The following CASQ1 variants were observed in gnomAD, a reference collection of about 807,000 sequenced individuals.
CASQ1 encodes the protein calsequestrin 1.
A neutral mutation model predicts 49.5 loss-of-function variants in CASQ1; 40 were observed. That is an observed-to-expected ratio of 0.81 (90% CI 0.63 to 1.05). The LOEUF is 1.05. CASQ1 is among the 50% of genes least tolerant of loss of function. The pLI, the probability that CASQ1 is intolerant of heterozygous loss-of-function variation, is 0.00. For synonymous variants in CASQ1, 174 were observed against 187.2 expected (o/e 0.93, Z 0.58); for missense variants, 469 against 486.9 (o/e 0.96, Z 0.35).
At position 160,191,018 on chromosome 1, in the gene CASQ1, G is replaced by C. The variant is rs1571046265; in HGVS notation, c.267G>C (p.Glu89Asp). 1 of 1,614,064 alleles carries C rather than the reference G, an allele frequency of 6.2e-7. No individual in the cohort carries two copies. Among genetic ancestry groups the C allele is most frequent in the East Asian group, 2.2e-5 (1 of 44,882 alleles). The change falls in exon 1 of 11, where the codon GAG becomes GAC. Residue 89 changes from glutamate to aspartate, a missense_variant. Physicochemically the swap from Glu to Asp is conservative, Grantham distance 45. Coordinates refer to ENST00000368078, the MANE Select transcript of CASQ1 (RefSeq NM_001231.5). Reference sequence around the variant, plus strand: ...CACAAAGACAATTTGAGATGGAGGAGCTGATCCTGGAGGTGAGTTGGGGGC... The same window carrying C: ...CACAAAGACAATTTGAGATGGAGGACCTGATCCTGGAGGTGAGTTGGGGGC... ...KASQRQFEME[E>D]LILELAAQVL...
chr1:160,197,446 T>C, intron 6 of CASQ1, 123 bp from the exon 7 acceptor site: 1 of 740,056 alleles, frequency 1.4e-6, no homozygotes, highest in South Asian at 1.5e-5. Flanking sequence ...CAGATGGCTT[T>C]GTTGTAGGCT....
intron 1 of CASQ1, among the ~76,000 whole-genome samples, chr1:160,192,451 G>A (rs945102242): frequency 1.3e-5 from 2 of 152,208 alleles, no homozygotes; most frequent in Admixed American, 6.5e-5. Flanking sequence ...TGTGACTTGA[G>A]CAGGATGGAA....
At chr1:160,192,946 C>T (rs1422712588) in intron 2 of CASQ1, 60 bp downstream of exon 2, 9 of 1,378,974 alleles carry the variant, frequency 6.5e-6, no homozygotes, top group Admixed American at 1.7e-5. Flanking sequence ...AGGCTTAGGG[C>T]GGAGGACCTG....
rs200923595 is a variant in CASQ1, at chr1:160,198,734, G to A, written c.883+3G>A. 103 of 1,613,066 alleles carry A rather than the reference G, an allele frequency of 6.4e-5. No homozygotes were observed. The highest frequency in any genetic ancestry group is 4.2e-4 in the East Asian group (19 of 44,870). ...CTTCGCAGAGGAAGCTGATCCTGGT[G>A]AGGGAGGAATACCGGGTTGGACTGG... On this transcript the variant is annotated splice_donor_region_variant and intron_variant, in intron 8 of 10. Coordinates refer to ENST00000368078, the MANE Select transcript of CASQ1 (RefSeq NM_001231.5).
At position 160,192,934 on chromosome 1, in the gene CASQ1, G is replaced by T. The variant is rs757292510; in HGVS notation, c.364+48G>T. ...AGGGGAAGGTGGCATTGAGACAAGG[G>T]GAGGCTTAGGGCGGAGGACCTGTCA... On this transcript the variant is annotated intron_variant, in intron 2 of 10. Coordinates refer to ENST00000368078, the MANE Select transcript of CASQ1 (RefSeq NM_001231.5). The T allele has an allele frequency of 2.7e-6, 4 of 1,493,238 alleles. No individual in the cohort carries two copies. The Admixed American group carries it at 6.7e-5, about 25-fold the overall frequency. 92.5% of individuals were successfully genotyped at this position (1,493,238 alleles called of 1,614,324 possible). A position where few individuals can be genotyped will look rare whatever the true frequency, so the allele number is the denominator to read the frequency against.
At chr1:160,192,712 C>A in intron 1 of CASQ1, 90 bp from the exon 2 acceptor site, 1 of 1,121,536 alleles carries the variant, frequency 8.9e-7, no homozygotes, top group Non-Finnish European at 1.3e-6. Flanking sequence ...TCTCCCGCAC[C>A]TCAACTGACC....
chr1:160,198,945 C>T lies in CASQ1; in HGVS notation c.884-8C>T. On this transcript the variant is annotated splice_polypyrimidine_tract_variant and splice_region_variant and intron_variant, in intron 8 of 10. Coordinates refer to ENST00000368078, the MANE Select transcript of CASQ1 (RefSeq NM_001231.5). ...CACCTCATACCTTGTACTTGTGTTCCCTCCAAGATGGTTTCGAGTTCTTAG... is the reference window on the plus strand; with the variant it reads ...CACCTCATACCTTGTACTTGTGTTCTCTCCAAGATGGTTTCGAGTTCTTAG... 2.5e-6 allele frequency: 4 copies of T among 1,575,306 alleles called. No homozygotes were observed. The highest frequency in any genetic ancestry group is 3.5e-6 in the Non-Finnish European group (4 of 1,144,616).
rs918859352 is a variant in CASQ1 at position 160,199,170 on chromosome 1, G to C, written c.984+117G>C. Reference sequence around the variant, plus strand: ...CCCACCTCCTAGCTGGGGGGCCCTGGGAGGGTATGCGTGTTGCATGCTTAA... The same window carrying C: ...CCCACCTCCTAGCTGGGGGGCCCTGCGAGGGTATGCGTGTTGCATGCTTAA... On this transcript the variant is annotated intron_variant, in intron 9 of 10. Coordinates refer to ENST00000368078, the MANE Select transcript of CASQ1 (RefSeq NM_001231.5). 11 of 736,326 alleles carry C rather than the reference G, an allele frequency of 1.5e-5. No individual in the cohort carries two copies. The African/African-American group carries it at 1.9e-4, about 13-fold the overall frequency. The allele number at this position is 736,326 out of a possible 1,614,324, so 45.6% of individuals were successfully genotyped here.
chr1:160,192,843 G>A lies in CASQ1; in HGVS notation c.321G>A (p.Gly107=), dbSNP rs745480864. 1.1e-5 allele frequency: 18 copies of A among 1,613,952 alleles called. No homozygotes were observed. The highest frequency in any genetic ancestry group is 5.5e-5 in the South Asian group (5 of 91,076). ...TAGAAGACAAGGGTGTTGGCTTCGGGCTGGTAGACTCTGAGAAGGATGCAG... is the reference window on the plus strand; with the variant it reads ...TAGAAGACAAGGGTGTTGGCTTCGGACTGGTAGACTCTGAGAAGGATGCAG... The part of the protein sequence containing the change: ...QVLEDKGVGF[G]LVDSEKDAAV... The change falls in exon 2 of 11, where the codon GGG becomes GGA. Residue 107 remains glycine (G), a synonymous_variant. Transcript: ENST00000368078.
chr1:160,193,642 C>T (rs532007311), intron 2 of CASQ1, 105 bp from the exon 3 acceptor site: 4 of 689,816 alleles, frequency 5.8e-6, no homozygotes, highest in East Asian at 2.8e-5. Flanking sequence ...TGTGGGGCCC[C>T]GGTGATTATC....
chr1:160,201,184 A>C (rs747108241), intron 10 of CASQ1, 61 bp from the exon 11 acceptor site: 11 of 1,565,240 alleles, frequency 7.0e-6, no homozygotes, highest in Non-Finnish European at 9.6e-6. Flanking sequence ...AGTGAGTGGG[A>C]AGACAGATCC....
At chr1:160,200,541 A>G (rs1441817858) in intron 10 of CASQ1, among the ~76,000 whole-genome samples, 2 of 152,236 alleles carry the variant, frequency 1.3e-5, no homozygotes, top group Admixed American at 1.3e-4. Context: ...GAGATTCTAC[A>G]ATGTATACGA....
chr1:160,201,428 G>C lies in CASQ1; in HGVS notation c.*52G>C. The C allele has an allele frequency of 6.3e-7, 1 of 1,597,918 alleles. No homozygotes were observed. The highest frequency in any genetic ancestry group is 1.1e-5 in the South Asian group (1 of 89,238). Reference sequence around the variant, plus strand: ...CACTGGTCTTTTCATGCTCTCTCCTGCCTTCCCTTGTCCTTCCCTGAGTTC... The same window carrying C: ...CACTGGTCTTTTCATGCTCTCTCCTCCCTTCCCTTGTCCTTCCCTGAGTTC... On this transcript the variant is annotated 3_prime_UTR_variant, in exon 11 of 11. Transcript: ENST00000368078.
At chr1:160,196,779 T>TG (rs1654252260) in intron 6 of CASQ1, among the ~76,000 whole-genome samples, 1 of 152,176 alleles carries the variant, frequency 6.6e-6, no homozygotes, top group Non-Finnish European at 1.5e-5. Context: ...CCTGGCCCCA[T>TG]GTTCTTTCTA....
Position 160,199,937 on chromosome 1 carries a change from G to T in CASQ1, c.1059+12G>T. 6.3e-7 allele frequency: 1 copy of T among 1,593,134 alleles called. No individual in the cohort carries two copies. The highest frequency in any genetic ancestry group is 8.6e-7 in the Non-Finnish European group (1 of 1,160,860). On this transcript the variant is annotated intron_variant, in intron 10 of 10. Transcript: ENST00000368078. Reference sequence around the variant, plus strand: ...TCAATGTTACTGATGTGAGTTTCCTGTCCTCATCCCGGGTTGACCCCCGAC... The same window carrying T: ...TCAATGTTACTGATGTGAGTTTCCTTTCCTCATCCCGGGTTGACCCCCGAC...
intron 6 of CASQ1, among the ~76,000 whole-genome samples, chr1:160,196,999 C>T (rs1437062144): frequency 6.6e-6 from 1 of 152,162 alleles, no homozygotes; most frequent in Non-Finnish European, 1.5e-5. Flanking sequence ...AATTATCTGG[C>T]TCCAAATGGC....
chr1:160,199,816 A>G, intron 9 of CASQ1, 35 bp from the exon 10 acceptor site: 1 of 1,371,702 alleles, frequency 7.3e-7, no homozygotes, highest in Admixed American at 1.7e-5. Flanking sequence ...GCTCCCTAGT[A>G]TCTATTAAGT....
At position 160,190,668 on chromosome 1, in the gene CASQ1, T is replaced by G. The variant is rs184108726; in HGVS notation, c.-84T>G. On this transcript the variant is annotated 5_prime_UTR_variant, in exon 1 of 11. Coordinates refer to ENST00000368078, the MANE Select transcript of CASQ1 (RefSeq NM_001231.5). ...CCCCCCTCCCACTTGAGCCCCTAAC[T>G]CAGAATCTGGGACCCAGGGGCCCCT... The G allele has an allele frequency of 1.2e-3, 1,679 of 1,349,044 alleles. 25 individuals are homozygous for G. The African/African-American group carries it at 0.022, about 18-fold the overall frequency. 83.6% of individuals were successfully genotyped at this position (1,349,044 alleles called of 1,614,324 possible).
intron 10 of CASQ1, among the ~76,000 whole-genome samples, chr1:160,200,922 C>T (rs748478832): frequency 6.6e-6 from 1 of 152,170 alleles, no homozygotes; most frequent in Non-Finnish European, 1.5e-5. Context: ...CGAAGAGTTG[C>T]TAACTTTATT....
Sources: allele counts gnomAD v4.1 joint callset (sites outside exome capture counted in the v4.1 genomes callset), GRCh38; gene constraint gnomAD v4.1.1; transcripts MANE v1.5; gene names NCBI Gene and HGNC (gene_info 2026-07-23, HGNC 2026-07-21).